Variants in ENOX1 observed in about 807,000 individuals in gnomAD.
ENOX1 encodes ecto-NOX disulfide-thiol exchanger 1, also known as candidate growth-related and time keeping constitutive hydroquinone (NADH) oxidase.
ENOX1 carries 42 observed loss-of-function variants against 82.5 expected under a neutral mutation model. That is an observed-to-expected ratio of 0.51 (90% confidence interval 0.40 to 0.66). The LOEUF (loss-of-function observed/expected upper bound fraction) is 0.66, where lower values mean the gene tolerates loss of function less well. ENOX1 is among the 30% of genes least tolerant of loss of function. The pLI, the probability that ENOX1 is intolerant of heterozygous loss-of-function variation, is 0.00. For synonymous variants in ENOX1, 271 were observed against 282.2 expected, an observed-to-expected ratio of 0.96 and a Z score of 0.40; for missense variants, 608 against 811.6, an observed-to-expected ratio of 0.75 and a Z score of 3.05.
At chr13:43,337,023 A>G (rs2048752996) in intron 9 of ENOX1, among the ~76,000 whole-genome samples, 1 of 152,224 alleles carries the variant, frequency 6.6e-6, no homozygotes, top group African/African-American at 2.4e-5. Context: ...AATGATATTG[A>G]TAACGGTACT....
In ENOX1 at chr13:43,289,434, T is replaced by A. The variant is rs570257703; in HGVS notation, c.1446+8912A>T. Among the ~76,000 whole-genome samples, 31 of 152,278 alleles carry A rather than the reference T, an allele frequency of 2.0e-4. No homozygotes were observed. The East Asian group carries it at 5.8e-3, about 28-fold the overall frequency. On this transcript the variant is annotated intron_variant, in intron 12 of 16. Coordinates refer to ENST00000690772, the MANE Select transcript of ENOX1 (RefSeq NM_001347969.2). Reference sequence around the variant, plus strand: ...CAAAGATACACACTTAACAACCATCTAATATTTGACAGGACTGACAAAAAC... The same window carrying A: ...CAAAGATACACACTTAACAACCATCAAATATTTGACAGGACTGACAAAAAC...
intron 2 of ENOX1, among the ~76,000 whole-genome samples, chr13:43,624,519 A>G (rs904592667): frequency 6.6e-6 from 1 of 152,040 alleles, no homozygotes; most frequent in African/African-American, 2.4e-5. Context: ...CAATAGTTTT[A>G]TAGTTTTGTG....
intron 14 of ENOX1, among the ~76,000 whole-genome samples, chr13:43,243,540 A>C (rs2042941462): frequency 6.6e-6 from 1 of 152,146 alleles, no homozygotes; most frequent in African/African-American, 2.4e-5. Context: ...CTCTTGCCTC[A>C]GCTTCCCAAA....
intron 1 of ENOX1, among the ~76,000 whole-genome samples, chr13:43,780,125 C>T (rs1176808100): frequency 6.7e-6 from 1 of 150,224 alleles, no homozygotes; most frequent in Admixed American, 6.6e-5. Flanking sequence ...GGTGCCACTG[C>T]ACTCCAGCCT....
intron 2 of ENOX1, among the ~76,000 whole-genome samples, chr13:43,505,181 A>G (rs1408253664): frequency 1.3e-5 from 2 of 151,950 alleles, no homozygotes; most frequent in South Asian, 4.1e-4. Flanking sequence ...TAATCGGATC[A>G]CATCAACTTA....
At chr13:43,571,520 A>AG (rs1183109273) in intron 2 of ENOX1, among the ~76,000 whole-genome samples, 2 of 99,426 alleles carry the variant, frequency 2.0e-5, no homozygotes, top group African/African-American at 7.8e-5. Flanking sequence ...TCTACTAAAA[A>AG]AGAAAAAAAA....
chr13:43,533,964 C>T (rs984831352), intron 2 of ENOX1, among the ~76,000 whole-genome samples: 3 of 152,124 alleles, frequency 2.0e-5, no homozygotes, highest in East Asian at 1.9e-4. Context: ...GGTTCTCAAA[C>T]TGTGAACATT....
chr13:43,616,197 T>TAG (rs1594113452), intron 2 of ENOX1, among the ~76,000 whole-genome samples: 1 of 21,696 alleles, frequency 4.6e-5, no homozygotes, highest in African/African-American at 6.0e-5. Context: ...TATATATATA[T>TAG]ATATATATTT....
chr13:43,769,725 T>C (rs916088493), intron 1 of ENOX1, among the ~76,000 whole-genome samples: 11 of 152,216 alleles, frequency 7.2e-5, no homozygotes, highest in African/African-American at 2.4e-4. Context: ...CTCTTTGCCT[T>C]CCTCGTGAAA....
intron 2 of ENOX1, among the ~76,000 whole-genome samples, chr13:43,627,634 ATATT>A (rs2153749459): frequency 6.6e-6 from 1 of 152,160 alleles, no homozygotes; most frequent in African/African-American, 2.4e-5. Context: ...ACTACCAAAT[ATATT>A]TATTAAATTC....
chr13:43,436,116 T>C (rs1355728255), intron 3 of ENOX1, among the ~76,000 whole-genome samples: 1 of 152,234 alleles, frequency 6.6e-6, no homozygotes, highest in East Asian at 1.9e-4. Flanking sequence ...GGTCTCTGTA[T>C]GTATATAATG....
chr13:43,275,730 A>G (rs1424214667), intron 12 of ENOX1, among the ~76,000 whole-genome samples: 1 of 152,198 alleles, frequency 6.6e-6, no homozygotes, highest in African/African-American at 2.4e-5. Context: ...TGCTGTGTGC[A>G]TGGTACTGGG....
chr13:43,649,408 G>C (rs1304188898), intron 2 of ENOX1, among the ~76,000 whole-genome samples: 4 of 152,140 alleles, frequency 2.6e-5, no homozygotes, highest in Non-Finnish European at 5.9e-5. Flanking sequence ...GCTAAGCTGA[G>C]GCATAAAATG....
At chr13:43,708,056 G>T (rs572421674) in intron 1 of ENOX1, among the ~76,000 whole-genome samples, 7 of 152,190 alleles carry the variant, frequency 4.6e-5, no homozygotes, top group African/African-American at 1.7e-4. Context: ...CAGTTTCCCA[G>T]TAGATAGAGA....
chr13:43,393,265 G>A (rs117663157), intron 5 of ENOX1, among the ~76,000 whole-genome samples: 272 of 152,274 alleles, frequency 1.8e-3, no homozygotes, highest in Non-Finnish European at 2.5e-3. Flanking sequence ...GGGTATTTAG[G>A]CCTAAGTCCT....
At chr13:43,716,351 GCAGCGGTGGCTGCAGAA>G (rs1446079653) in intron 1 of ENOX1, among the ~76,000 whole-genome samples, 1 of 152,292 alleles carries the variant, frequency 6.6e-6, no homozygotes, top group East Asian at 1.9e-4. Context: ...CTGGGTATCA[GCAGCGGTGGCTGCAGAA>G]CAGCGGTGGC....
intron 1 of ENOX1, among the ~76,000 whole-genome samples, chr13:43,694,946 C>T (rs529136440): frequency 1.3e-5 from 2 of 152,256 alleles, no homozygotes; most frequent in African/African-American, 4.8e-5. Flanking sequence ...AAGCATGTGC[C>T]CCAAACATTC....
chr13:43,537,450 T>G (rs1380165536), intron 2 of ENOX1, among the ~76,000 whole-genome samples: 2 of 152,166 alleles, frequency 1.3e-5, no homozygotes, highest in Admixed American at 6.5e-5. Context: ...GGAATCTGAG[T>G]GAGCAAGCTG....
At chr13:43,367,711 C>T (rs956531696) in intron 5 of ENOX1, among the ~76,000 whole-genome samples, 1 of 134,290 alleles carries the variant, frequency 7.4e-6, no homozygotes, top group Non-Finnish European at 1.5e-5. Context: ...TACAGCAGCC[C>T]TACCTAGAAA....
Sources: gnomAD v4.1 joint callset for allele counts (sites outside exome capture counted in the v4.1 genomes callset) on GRCh38, gnomAD v4.1.1 for gene constraint, MANE v1.5 for transcripts, NCBI Gene and HGNC (gene_info 2026-07-23, HGNC 2026-07-21) for gene names.